Variants in LRPPRC observed in about 807,000 individuals in gnomAD.
LRPPRC encodes the protein leucine rich pentatricopeptide repeat containing, also known as leucine-rich PPR motif-containing protein, mitochondrial.
LRPPRC carries 120 observed loss-of-function variants against 180.3 expected under a neutral mutation model. That is an observed-to-expected ratio of 0.67 (90% confidence interval 0.57 to 0.77). LRPPRC has a LOEUF of 0.77. Among genes scored for constraint, LRPPRC ranks in the 30% least tolerant of loss-of-function variants. LRPPRC has a pLI of 0.00. For synonymous variants in LRPPRC, 723 were observed against 600.0 expected, an observed-to-expected ratio of 1.21 and a Z score of -3.00; for missense variants, 2,012 against 1,657.2, an observed-to-expected ratio of 1.21 and a Z score of -3.72.
intron 13 of LRPPRC, among the ~76,000 whole-genome samples, chr2:43,959,517 G>A (rs1673252988): frequency 6.6e-6 from 1 of 152,160 alleles, no homozygotes; most frequent in African/African-American, 2.4e-5. Flanking sequence ...GTTTGTAAAT[G>A]ACATATTTTT....
chr2:43,960,685 T>C lies in LRPPRC; in HGVS notation c.1489-51A>G, dbSNP rs767009323. The C allele has an allele frequency of 3.6e-5, 32 of 891,298 alleles. No homozygotes were observed. The Middle Eastern group carries it at 6.4e-4, about 18-fold the overall frequency. The allele number at this position is 891,298 out of a possible 1,614,324, so 55.2% of individuals were successfully genotyped here. A position where few individuals can be genotyped will look rare whatever the true frequency, so the allele number is the denominator to read the frequency against. On this transcript the variant is annotated intron_variant, in intron 12 of 37. Transcript: ENST00000260665. ...GAATACATCTCAGCTAACAATATTT[T>C]GATAAGCCAAAGATCCTGTTTTCCT...
At chr2:43,992,969 A>G (rs547640046) in intron 1 of LRPPRC, among the ~76,000 whole-genome samples, 2 of 152,362 alleles carry the variant, frequency 1.3e-5, no homozygotes, top group East Asian at 3.9e-4. Flanking sequence ...TTGAGAAAAC[A>G]CAGAAGGACC....
intron 11 of LRPPRC, among the ~76,000 whole-genome samples, chr2:43,967,097 G>C (rs1673593188): frequency 1.3e-5 from 2 of 151,678 alleles, no homozygotes. Flanking sequence ...ACTTCACAAT[G>C]TGTACACATA....
rs185357379 is a variant in LRPPRC, at chr2:43,888,399, G to A, written c.*201C>T. ...CAGCAGCATTGAAGAAAACACTATC[G>A]ATTTTTCCCAGAGAAAAAAACTCCA... On this transcript the variant is annotated 3_prime_UTR_variant, in exon 38 of 38. Coordinates refer to ENST00000260665, the MANE Select transcript of LRPPRC (RefSeq NM_133259.4). The A allele has an allele frequency of 4.3e-4, 217 of 504,710 alleles. 1 individual carries two copies. The highest frequency in any genetic ancestry group is 3.8e-3 in the African/African-American group (195 of 51,474). 31.3% of individuals were successfully genotyped at this position (504,710 alleles called of 1,614,324 possible).
At chr2:43,969,485 A>C (rs1402036951) in intron 11 of LRPPRC, among the ~76,000 whole-genome samples, 1 of 152,026 alleles carries the variant, frequency 6.6e-6, no homozygotes, top group Non-Finnish European at 1.5e-5. Context: ...GCTAAAGCCT[A>C]CATGTTTTTC....
At chr2:43,937,096 C>A (rs1020997250) in intron 23 of LRPPRC, among the ~76,000 whole-genome samples, 1 of 151,926 alleles carries the variant, frequency 6.6e-6, no homozygotes, top group Non-Finnish European at 1.5e-5. Context: ...TACATTAGGT[C>A]AAAGCTATCA....
Position 43,947,364 on chromosome 2 carries a change from GCA to G in LRPPRC, c.1970_1971del (p.Val657AlafsTer6), listed in dbSNP as rs1553403879. 1.3e-6 allele frequency: 2 copies of G among 1,525,618 alleles called. No individual in the cohort carries two copies. Among genetic ancestry groups the G allele is most frequent in the Non-Finnish European group, 1.8e-6 (2 of 1,100,588 alleles). The allele number at this position is 1,525,618 out of a possible 1,614,324, so 94.5% of individuals were successfully genotyped here. A position where few individuals can be genotyped will look rare whatever the true frequency, so the allele number is the denominator to read the frequency against. On this transcript the variant is annotated frameshift_variant, in exon 20 of 38. Transcript: ENST00000260665. LOFTEE classifies it high-confidence loss of function. ...ESKNLDFQKT[V>X]QLTSSELEST... is the part of the protein sequence containing the mutation. Reference sequence around the variant, plus strand: ...GACTCCAATTCAGATGATGTAAGTTGCACAGTCTACAGAAAAGAAAAAAGAAA... The same window carrying G: ...GACTCCAATTCAGATGATGTAAGTTGCAGTCTACAGAAAAGAAAAAAGAAA...
chr2:43,897,508 C>A (rs956527151), intron 34 of LRPPRC, among the ~76,000 whole-genome samples: 1 of 152,100 alleles, frequency 6.6e-6, no homozygotes, highest in African/African-American at 2.4e-5. Flanking sequence ...ATTTACATTA[C>A]GCACTGATGT....
chr2:43,890,541 G>C (rs970030630), intron 36 of LRPPRC, among the ~76,000 whole-genome samples: 4 of 152,118 alleles, frequency 2.6e-5, no homozygotes, highest in African/African-American at 9.7e-5. Context: ...GTGAAACCCT[G>C]TCTCTACTAA....
chr2:43,973,586 C>A, intron 11 of LRPPRC, 21 bp downstream of exon 11: 1 of 1,522,166 alleles, frequency 6.6e-7, no homozygotes, highest in Non-Finnish European at 9.1e-7. Context: ...CATTACAAAT[C>A]GGTAAAAGGC....
At position 43,977,174 on chromosome 2, in the gene LRPPRC, G is replaced by A; in HGVS notation, c.572C>T (p.Ala191Val). The A allele has an allele frequency of 1.9e-6, 3 of 1,611,040 alleles. No homozygotes were observed. The highest frequency in any genetic ancestry group is 1.1e-5 in the South Asian group (1 of 91,016). Residue 191 changes from alanine to valine, a missense_variant, in exon 4 of 38, where the codon GCA becomes GTA. Physicochemically the swap from Ala to Val is moderately conservative, Grantham distance 64 (BLOSUM62 0). Coordinates refer to ENST00000260665, the MANE Select transcript of LRPPRC (RefSeq NM_133259.4). ...PTDFLAKMEE[A>V]NIQPNRVTYQ... is the part of the protein sequence containing the mutation. The stretch of plus-strand genomic sequence containing the variant: ...ACTTACTCGATTTGGTTGAATGTTT[G>A]CTTCCTCCATTTTTGCCAGGAAATC...
chr2:43,987,038 T>C (rs1674556511), intron 1 of LRPPRC, among the ~76,000 whole-genome samples: 1 of 152,214 alleles, frequency 6.6e-6, no homozygotes, highest in Non-Finnish European at 1.5e-5. Context: ...CTTTAGCCTG[T>C]TGATACGCTG....
intron 17 of LRPPRC, 40 bp from the exon 18 acceptor site, chr2:43,948,239 T>C (rs1393400214): frequency 8.7e-7 from 1 of 1,145,136 alleles, no homozygotes; most frequent in South Asian, 1.2e-5. Flanking sequence ...ACCTGAGTTT[T>C]AGACAACCAA....
intron 29 of LRPPRC, 129 bp from the exon 30 acceptor site, chr2:43,912,687 CTCTA>C: frequency 1.5e-6 from 1 of 673,660 alleles, no homozygotes; most frequent in Non-Finnish European, 2.7e-6. Flanking sequence ...ACTGTTACCA[CTCTA>C]TAGAGAGACA....
At chr2:43,949,067 T>G (rs1672801445) in intron 16 of LRPPRC, among the ~76,000 whole-genome samples, 1 of 152,180 alleles carries the variant, frequency 6.6e-6, no homozygotes, top group African/African-American at 2.4e-5. Context: ...TCCTTTGCAT[T>G]CAAGCATAAA....
intron 27 of LRPPRC, among the ~76,000 whole-genome samples, chr2:43,923,786 G>A (rs997091742): frequency 6.6e-6 from 1 of 151,184 alleles, no homozygotes; most frequent in Non-Finnish European, 1.5e-5. Context: ...TAGACATATA[G>A]TCAGTGCTTC....
chr2:43,985,639 T>C (rs1674496832), intron 1 of LRPPRC, among the ~76,000 whole-genome samples: 1 of 152,244 alleles, frequency 6.6e-6, no homozygotes, highest in Non-Finnish European at 1.5e-5. Context: ...TTAAGGTTCC[T>C]CCATGTCTTT....
At chr2:43,894,145 G>A (rs769708057) in intron 36 of LRPPRC, among the ~76,000 whole-genome samples, 5 of 152,110 alleles carry the variant, frequency 3.3e-5, no homozygotes, top group Admixed American at 6.5e-5. Context: ...GGTACTGAAG[G>A]AGCAAGAAGG....
intron 31 of LRPPRC, chr2:43,903,860 T>C (rs570209237): frequency 6.6e-6 from 1 of 152,224 alleles, no homozygotes; most frequent in Non-Finnish European, 1.5e-5. Flanking sequence ...GACAATGAGC[T>C]TATTTATATG....
Sources: allele counts gnomAD v4.1 joint callset (sites outside exome capture counted in the v4.1 genomes callset), GRCh38; gene constraint gnomAD v4.1.1; transcripts MANE v1.5; gene names NCBI Gene and HGNC (gene_info 2026-07-23, HGNC 2026-07-21).